NFE2L2: variants seen among roughly 807,000 people sequenced by gnomAD.
NFE2L2 encodes the protein nuclear factor erythroid 2-related factor 2.
NFE2L2 carries 20 observed loss-of-function variants against 49.6 expected under a neutral mutation model. The observed-to-expected ratio is 0.40, with a 90% CI of 0.28 to 0.59. The LOEUF is 0.59. Ranked by LOEUF, NFE2L2 falls within the 20% of genes least tolerant of loss-of-function variation. The pLI is 0.40. For missense variants in NFE2L2, 578 were observed against 714.2 expected (o/e 0.81, Z 2.17); for synonymous variants, 244 against 256.5 (o/e 0.95, Z 0.47).
intron 1 of NFE2L2, among the ~76,000 whole-genome samples, chr2:177,258,538 T>C (rs574713321): frequency 3.3e-5 from 5 of 152,160 alleles, no homozygotes; most frequent in Non-Finnish European, 7.4e-5. Context: ...ACTCTATGAA[T>C]AAACTACTAA....
At chr2:177,257,647 TC>T (rs1382758439) in intron 1 of NFE2L2, among the ~76,000 whole-genome samples, 7 of 152,088 alleles carry the variant, frequency 4.6e-5, no homozygotes, top group African/African-American at 1.4e-4. Context: ...AGGGCAGGGG[TC>T]CCCACCTGCT....
In NFE2L2 at chr2:177,245,613, GTCT is replaced by G. The variant is rs1047366464; in HGVS notation, c.46-11345_46-11343del. 5.3e-5 allele frequency among the ~76,000 whole-genome samples: 8 copies of G among 151,156 alleles called. 1 individual carries two copies. The Middle Eastern group carries it at 0.017, about 324-fold the overall frequency. On this transcript the variant is annotated intron_variant, in intron 1 of 4. Coordinates refer to ENST00000397062, the MANE Select transcript of NFE2L2 (RefSeq NM_006164.5). The stretch of plus-strand genomic sequence containing the variant: ...TGAGGGAGTTGGGCCAGGTATTGTA[GTCT>G]TTTTTTTTTTTGAGACAGAGTCTCA...
At position 177,230,877 on chromosome 2, in the gene NFE2L2, A is replaced by G. The variant is rs376817614; in HGVS notation, c.1726T>C (p.Tyr576His). ...TGCAGGGAGTATTCACTAGGAGAATAAGGTTTTCCATCTTCATCACGTAGC... is the reference window on the plus strand; with the variant it reads ...TGCAGGGAGTATTCACTAGGAGAATGAGGTTTTCCATCTTCATCACGTAGC... ...SMLRDEDGKP[Y>H]SPSEYSLQQT... Residue 576 changes from tyrosine to histidine, a missense_variant, in exon 5 of 5, where the codon TAT becomes CAT. Physicochemically the swap from Tyr to His is moderately conservative, Grantham distance 83. Around this residue, in one of 3 missense-constraint regions of NFE2L2, gnomAD observed 117 missense variants for 175.8 expected, o/e 0.67. Coordinates refer to ENST00000397062, the MANE Select transcript of NFE2L2 (RefSeq NM_006164.5). The G allele has an allele frequency of 5.6e-6, 9 of 1,613,776 alleles. No individual in the cohort carries two copies. The highest frequency in any genetic ancestry group is 6.8e-6 in the Non-Finnish European group (8 of 1,179,924).
In NFE2L2 at chr2:177,231,354, C is replaced by A; in HGVS notation, c.1249G>T (p.Val417Leu). Residue 417 changes from valine to leucine, a missense_variant, in exon 5 of 5, where the codon GTG (valine) becomes TTG (leucine). By Grantham distance (32) the Val-to-Leu change is conservative. This residue lies in a region of NFE2L2 where 368 missense variants were observed against 384.6 expected (regional missense o/e 0.96). Coordinates refer to ENST00000397062, the MANE Select transcript of NFE2L2 (RefSeq NM_006164.5). ...LSPSQGQSTH[V>L]HDAQCENTPE... ...GTGTTCTCACATTGGGCATCATGCA[C>A]GTGAGTGCTCTGCCCCTGAGATGGT... 1 of 1,614,238 alleles carries A rather than the reference C, an allele frequency of 6.2e-7. No homozygotes were observed. The highest frequency in any genetic ancestry group is 8.5e-7 in the Non-Finnish European group (1 of 1,180,030).
chr2:177,243,133 T>C (rs1455131140), intron 1 of NFE2L2, among the ~76,000 whole-genome samples: 1 of 152,152 alleles, frequency 6.6e-6, no homozygotes. Context: ...GGATTAGGTC[T>C]TGTACTGCCC....
At position 177,264,603 on chromosome 2, in the gene NFE2L2, C is replaced by T. The variant is rs770287699; in HGVS notation, c.-27G>A. The T allele has an allele frequency of 6.9e-7, 1 of 1,451,252 alleles. No individual in the cohort carries two copies. Among genetic ancestry groups the T allele is most frequent in the Non-Finnish European group, 9.1e-7 (1 of 1,093,342 alleles). The allele number at this position is 1,451,252 out of a possible 1,614,324, so 89.9% of individuals were successfully genotyped here. ...ATGAGCTGTGGACCGTGTGTTGGGGCTCCCCGACGGCGGCCCTGTTCCGGC... is the reference window on the plus strand; with the variant it reads ...ATGAGCTGTGGACCGTGTGTTGGGGTTCCCCGACGGCGGCCCTGTTCCGGC... On this transcript the variant is annotated 5_prime_UTR_variant, in exon 1 of 5. Transcript: ENST00000397062.
intron 1 of NFE2L2, among the ~76,000 whole-genome samples, chr2:177,258,428 C>T (rs1406007663): frequency 6.6e-6 from 1 of 152,020 alleles, no homozygotes; most frequent in Admixed American, 6.6e-5. Context: ...TGAGTAGTTA[C>T]CAGGGGCCAG....
chr2:177,237,173 A>C (rs1689778837), intron 1 of NFE2L2, among the ~76,000 whole-genome samples: 1 of 152,178 alleles, frequency 6.6e-6, no homozygotes, highest in Admixed American at 6.5e-5. Context: ...CCTTTTTCCA[A>C]ATATTTTTGA....
intron 1 of NFE2L2, among the ~76,000 whole-genome samples, chr2:177,248,651 C>T (rs187910577): frequency 1.6e-4 from 24 of 152,270 alleles, no homozygotes; most frequent in African/African-American, 4.8e-4. Flanking sequence ...TTAGGTGATC[C>T]GCCTGCCTGG....
rs143406266 is a variant in NFE2L2 at position 177,264,662 on chromosome 2, TGGC to T, written c.-89_-87del. ...CGCGGCGCGGACAGGGCGGCTCTGG[TGGC>T]GGCGGCGGCGGCGGTGGCGGCTGCG... On this transcript the variant is annotated 5_prime_UTR_variant, in exon 1 of 5. Transcript: ENST00000397062. 0.3 allele frequency: 358,153 copies of T among 1,175,132 alleles called. 61,680 individuals carry two copies. The highest frequency in any genetic ancestry group is 0.58 in the East Asian group (17,978 of 30,920). The allele number at this position is 1,175,132 out of a possible 1,614,324, so 72.8% of individuals were successfully genotyped here. A position where few individuals can be genotyped will look rare whatever the true frequency, so the allele number is the denominator to read the frequency against.
intron 1 of NFE2L2, among the ~76,000 whole-genome samples, chr2:177,255,750 A>G (rs943908958): frequency 6.6e-6 from 1 of 152,060 alleles, no homozygotes; most frequent in Admixed American, 6.6e-5. Context: ...TTGAGGAGAC[A>G]GTGTCTCAAT....
At chr2:177,245,332 T>C (rs1342011314) in intron 1 of NFE2L2, among the ~76,000 whole-genome samples, 1 of 152,150 alleles carries the variant, frequency 6.6e-6, no homozygotes, top group Non-Finnish European at 1.5e-5. Context: ...GTGAGATCAT[T>C]TGTGCAGGGT....
chr2:177,250,131 G>T, intron 1 of NFE2L2, among the ~76,000 whole-genome samples: 1 of 152,198 alleles, frequency 6.6e-6, no homozygotes, highest in African/African-American at 2.4e-5. Context: ...TGAATTACTA[G>T]GAAGGCTCAT....
chr2:177,249,298 G>A (rs1343038352), intron 1 of NFE2L2, among the ~76,000 whole-genome samples: 1 of 152,178 alleles, frequency 6.6e-6, no homozygotes, highest in Non-Finnish European at 1.5e-5. Flanking sequence ...CAGCTCTGAT[G>A]TCTGCTATGT....
At chr2:177,240,060 A>G (rs1434530055) in intron 1 of NFE2L2, among the ~76,000 whole-genome samples, 1 of 152,172 alleles carries the variant, frequency 6.6e-6, no homozygotes, top group Non-Finnish European at 1.5e-5. Context: ...ATTTCCTGTA[A>G]GGAGCCGTGT....
intron 1 of NFE2L2, among the ~76,000 whole-genome samples, chr2:177,256,248 T>C (rs754932280): frequency 2.0e-5 from 3 of 152,094 alleles, no homozygotes; most frequent in African/African-American, 4.8e-5. Context: ...CAAAGAACTA[T>C]AGTCATTCTT....
Position 177,230,572 on chromosome 2 carries a change from T to A in NFE2L2, c.*213A>T, listed in dbSNP as rs2105450382. 2.0e-6 allele frequency: 1 copy of A among 490,272 alleles called. No homozygotes were observed. The highest frequency in any genetic ancestry group is 3.4e-6 in the Non-Finnish European group (1 of 291,328). The allele number at this position is 490,272 out of a possible 1,614,324, so 30.4% of individuals were successfully genotyped here. A position where few individuals can be genotyped will look rare whatever the true frequency, so the allele number is the denominator to read the frequency against. ...TACACAGAAACTAGCCCAAATGGTG[T>A]CCTAAGAAATTGTTTACAGTTAAAG... On this transcript the variant is annotated 3_prime_UTR_variant, in exon 5 of 5. Transcript: ENST00000397062.
chr2:177,230,916 C>A lies in NFE2L2; in HGVS notation c.1687G>T (p.Glu563Ter), dbSNP rs763240080. Residue 563 changes from glutamate to a stop codon, truncating the protein, a stop_gained, in exon 5 of 5, where the codon GAA becomes TAA. Transcript: ENST00000397062. LOFTEE classifies it high-confidence loss of function. ...LKKQLSTLYL[E>*]VFSMLRDEDG... The stretch of plus-strand genomic sequence containing the variant: ...TCATCACGTAGCATGCTGAAAACTT[C>A]GAGATATAAGGTGCTGAGTTGTTTT... The A allele has an allele frequency of 6.2e-7, 1 of 1,613,904 alleles. No homozygotes were observed. The highest frequency in any genetic ancestry group is 8.5e-7 in the Non-Finnish European group (1 of 1,180,010).
rs530457041 is a variant in NFE2L2 at position 177,240,271 on chromosome 2, C to T, written c.46-6000G>A. On this transcript the variant is annotated intron_variant, in intron 1 of 4. Transcript: ENST00000397062. The stretch of plus-strand genomic sequence containing the variant: ...GGGCTTTGAGGAAGTGCAAGTCCCC[C>T]ATGGAGGAAGGCCACAGTACAAAGT... Among the ~76,000 whole-genome samples the T allele has an allele frequency of 5.3e-5, 8 of 152,278 alleles. No homozygotes were observed. In the South Asian group the frequency reaches 1.5e-3, roughly 28 times the overall value.
Sources: allele counts gnomAD v4.1 joint callset (sites outside exome capture counted in the v4.1 genomes callset), GRCh38; gene constraint gnomAD v4.1.1; regional missense constraint gnomAD v4.1.1; transcripts MANE v1.5; gene names NCBI Gene and HGNC (gene_info 2026-07-23, HGNC 2026-07-21).